Variants in NEGR1 observed in about 807,000 individuals in gnomAD.
NEGR1 encodes neuronal growth regulator 1.
A neutral mutation model predicts 40.9 loss-of-function variants in NEGR1; 10 were observed. The ratio of observed to expected loss-of-function variants is 0.24; its 90% CI spans 0.15 to 0.42. The LOEUF is 0.42. Ranked by LOEUF, NEGR1 falls within the 10% of genes least tolerant of loss-of-function variation. NEGR1 has a pLI of 1.00. For missense variants in NEGR1, 352 were observed against 438.9 expected (o/e 0.80, Z 1.77); for synonymous variants, 185 against 166.8 (o/e 1.11, Z -0.84).
intron 6 of NEGR1, among the ~76,000 whole-genome samples, chr1:71,498,200 T>C (rs973327544): frequency 6.6e-6 from 1 of 151,252 alleles, no homozygotes; most frequent in African/African-American, 2.4e-5. Context: ...TTGCTGCATG[T>C]ATTCAGATTA....
chr1:72,249,466 G>T (rs1442700034), intron 1 of NEGR1, among the ~76,000 whole-genome samples: 1 of 152,126 alleles, frequency 6.6e-6, no homozygotes, highest in Non-Finnish European at 1.5e-5. Context: ...TTTCCTGGTA[G>T]CTAATTATGA....
At chr1:71,494,333 T>C (rs1425366796) in intron 6 of NEGR1, among the ~76,000 whole-genome samples, 2 of 152,116 alleles carry the variant, frequency 1.3e-5, no homozygotes, top group African/African-American at 4.8e-5. Flanking sequence ...CAGTAAAAAC[T>C]CTGGACACTG....
chr1:71,620,106 T>G lies in NEGR1; in HGVS notation c.668-8960A>C, dbSNP rs528771243. ...ACACCACCCTATCCCCTTAAAGTGA[T>G]GGATGATTATGAACACGCCATGTTA... is the stretch of plus-strand genomic sequence containing the variant. On this transcript the variant is annotated intron_variant, in intron 4 of 6. Transcript: ENST00000357731. Among the ~76,000 whole-genome samples the G allele has an allele frequency of 1.3e-5, 2 of 151,980 alleles. 1 individual carries two copies. Among genetic ancestry groups the G allele is most frequent in the African/African-American group, 4.8e-5 (2 of 41,408 alleles).
At chr1:71,913,369 C>A (rs1336420585) in intron 2 of NEGR1, among the ~76,000 whole-genome samples, 1 of 152,160 alleles carries the variant, frequency 6.6e-6, no homozygotes, top group Non-Finnish European at 1.5e-5. Context: ...CCCACCTCAG[C>A]CTCCCAAAGT....
chr1:72,130,742 A>G (rs944891072), intron 1 of NEGR1, among the ~76,000 whole-genome samples: 1 of 152,164 alleles, frequency 6.6e-6, no homozygotes, highest in Non-Finnish European at 1.5e-5. Context: ...TCCTCAGCCA[A>G]CGCAAAATAT....
chr1:71,851,582 C>T (rs957944003), intron 2 of NEGR1, among the ~76,000 whole-genome samples: 1 of 152,052 alleles, frequency 6.6e-6, no homozygotes, highest in African/African-American at 2.4e-5. Context: ...ACACACTGAT[C>T]TTGTTTAGTA....
chr1:71,722,802 T>A (rs1654552763), intron 3 of NEGR1, among the ~76,000 whole-genome samples: 1 of 152,132 alleles, frequency 6.6e-6, no homozygotes, highest in African/African-American at 2.4e-5. Context: ...TTATAAGTTT[T>A]ACCATAGGAA....
chr1:71,940,685 T>C (rs1570532567), intron 1 of NEGR1, among the ~76,000 whole-genome samples: 2 of 152,284 alleles, frequency 1.3e-5, no homozygotes, highest in East Asian at 3.9e-4. Context: ...TTGGGTGAGA[T>C]GCTATTTGAT....
At chr1:72,086,828 T>C (rs1326186791) in intron 1 of NEGR1, among the ~76,000 whole-genome samples, 1 of 152,232 alleles carries the variant, frequency 6.6e-6, no homozygotes, top group Non-Finnish European at 1.5e-5. Flanking sequence ...AAGTATTTAT[T>C]AATCATCCAA....
At chr1:71,724,923 C>T (rs1038465294) in intron 3 of NEGR1, among the ~76,000 whole-genome samples, 2 of 152,014 alleles carry the variant, frequency 1.3e-5, no homozygotes, top group African/African-American at 4.8e-5. Context: ...CTGTGAGGCT[C>T]GACTTGGATT....
intron 1 of NEGR1, among the ~76,000 whole-genome samples, chr1:72,044,164 C>G (rs1331227725): frequency 1.3e-5 from 2 of 151,376 alleles, no homozygotes; most frequent in Non-Finnish European, 3.0e-5. Flanking sequence ...GAACACAGTG[C>G]TTGACATATA....
At chr1:71,582,246 A>G (rs1476457273) in intron 6 of NEGR1, among the ~76,000 whole-genome samples, 2 of 152,202 alleles carry the variant, frequency 1.3e-5, no homozygotes, top group African/African-American at 4.8e-5. Flanking sequence ...GTACAAAGGG[A>G]AAAACTATAG....
intron 3 of NEGR1, among the ~76,000 whole-genome samples, chr1:71,747,832 CTT>C (rs5775088): frequency 6.9e-6 from 1 of 145,460 alleles, no homozygotes; most frequent in Non-Finnish European, 1.5e-5. Flanking sequence ...CATCCTTCAC[CTT>C]TTTTTTTTTT....
chr1:72,218,172 T>C (rs1176963625), intron 1 of NEGR1, among the ~76,000 whole-genome samples: 4 of 151,952 alleles, frequency 2.6e-5, no homozygotes, highest in Non-Finnish European at 4.4e-5. Flanking sequence ...TTAAATTCCA[T>C]AAGTTCACTA....
chr1:71,888,036 C>T (rs1660776885), intron 2 of NEGR1, among the ~76,000 whole-genome samples: 1 of 143,386 alleles, frequency 7.0e-6, no homozygotes, highest in East Asian at 2.0e-4. Flanking sequence ...CACACACACA[C>T]CTCTAGAATA....
chr1:71,419,341 A>G (rs1338021402), intron 6 of NEGR1, among the ~76,000 whole-genome samples: 1 of 152,228 alleles, frequency 6.6e-6, no homozygotes, highest in African/African-American at 2.4e-5. Flanking sequence ...CTTTGCACAT[A>G]GTAGGTGCAC....
rs1434242935 is a variant in NEGR1 at position 71,401,178 on chromosome 1, T to G, written c.*6268A>C. On this transcript the variant is annotated 3_prime_UTR_variant, in exon 7 of 7. Transcript: ENST00000357731. ...TTTTTCATTATATTTGAACTCTTTT[T>G]CAAGTTGTAAATAAATAATACTAAG... 6.6e-6 allele frequency: 1 copy of G among 152,136 alleles called. No individual in the cohort carries two copies. Among genetic ancestry groups the G allele is most frequent in the East Asian group, 1.9e-4 (1 of 5,182 alleles). 9.4% of individuals were successfully genotyped at this position (152,136 alleles called of 1,614,324 possible).
intron 6 of NEGR1, among the ~76,000 whole-genome samples, chr1:71,572,897 C>T (rs2101494943): frequency 6.6e-6 from 1 of 152,284 alleles, no homozygotes; most frequent in South Asian, 2.1e-4. Flanking sequence ...TTTAGATTGG[C>T]TTCCTAATAT....
chr1:72,254,353 G>C (rs2100534941), intron 1 of NEGR1, among the ~76,000 whole-genome samples: 1 of 152,256 alleles, frequency 6.6e-6, no homozygotes, highest in South Asian at 2.1e-4. Flanking sequence ...AGTTCTGGAA[G>C]ATCGTTGTGC....
Sources: gnomAD v4.1 joint callset for allele counts (sites outside exome capture counted in the v4.1 genomes callset) on GRCh38, gnomAD v4.1.1 for gene constraint, MANE v1.5 for transcripts, NCBI Gene and HGNC (gene_info 2026-07-23, HGNC 2026-07-21) for gene names.